Variants in SLC38A9 observed in about 807,000 individuals in gnomAD.
SLC38A9 encodes the protein solute carrier family 38 member 9, also known as neutral amino acid transporter 9.
A neutral mutation model predicts 62.3 loss-of-function variants in SLC38A9; 48 were observed. That is an observed-to-expected ratio of 0.77 (90% CI 0.61 to 0.98). The LOEUF (loss-of-function observed/expected upper bound fraction) is 0.98, where lower values mean the gene tolerates loss of function less well. SLC38A9 is among the 50% of genes least tolerant of loss of function. The pLI is 0.00. For missense variants in SLC38A9, 541 were observed against 679.8 expected, an observed-to-expected ratio of 0.80 and a Z score of 2.27; for synonymous variants, 204 against 227.7, an observed-to-expected ratio of 0.90 and a Z score of 0.94.
At chr5:55,660,318 T>C (rs1417095108) in intron 8 of SLC38A9, among the ~76,000 whole-genome samples, 1 of 151,886 alleles carries the variant, frequency 6.6e-6, no homozygotes, top group Admixed American at 6.6e-5. Flanking sequence ...GAGGCTGAGG[T>C]GAGAGGATCA....
intron 2 of SLC38A9, chr5:55,704,552 G>A (rs1301441230): frequency 9.2e-6 from 1 of 108,468 alleles, no homozygotes. Flanking sequence ...TGAACTTAAC[G>A]AAGGTTAATA....
intron 3 of SLC38A9, among the ~76,000 whole-genome samples, chr5:55,694,559 C>A (rs573890246): frequency 1.3e-5 from 2 of 152,088 alleles, no homozygotes; most frequent in African/African-American, 4.8e-5. Context: ...TCAGAAGAAT[C>A]ATATTCTAAA....
At position 55,692,482 on chromosome 5, in the gene SLC38A9, C is replaced by T. The variant is rs1402568448; in HGVS notation, c.113+5364G>A. 1.9e-5 allele frequency: 5 copies of T among 265,618 alleles called. No homozygotes were observed. The Admixed American group carries it at 1.9e-4, about 10-fold the overall frequency. 16.5% of individuals were successfully genotyped at this position (265,618 alleles called of 1,614,324 possible). On this transcript the variant is annotated intron_variant, in intron 3 of 15. Coordinates refer to ENST00000396865, the MANE Select transcript of SLC38A9 (RefSeq NM_173514.4). ...AAATAACAATGTTTGAAGGTACTTA[C>T]ATTTTTTCTCATTAAATAGTTTGTT...
intron 12 of SLC38A9, among the ~76,000 whole-genome samples, chr5:55,638,071 G>A (rs1278975886): frequency 2.6e-5 from 4 of 152,110 alleles, no homozygotes; most frequent in Non-Finnish European, 5.9e-5. Flanking sequence ...ACTAAAATCA[G>A]AAAAGTTTTA....
intron 10 of SLC38A9, among the ~76,000 whole-genome samples, chr5:55,651,874 G>C (rs568030931): frequency 1.3e-5 from 2 of 151,456 alleles, no homozygotes; most frequent in African/African-American, 4.9e-5. Flanking sequence ...TGAAATTTTC[G>C]TGTATTTCGT....
At chr5:55,658,958 T>C (rs7715754) in intron 8 of SLC38A9, among the ~76,000 whole-genome samples, 91,010 of 152,016 alleles carry the variant, frequency 0.6, 27,846 homozygotes, top group South Asian at 0.7. Flanking sequence ...TTACAAAAAG[T>C]ATTCATTTAA....
intron 2 of SLC38A9, among the ~76,000 whole-genome samples, chr5:55,706,946 CT>C (rs574012429): frequency 0.044 from 6,294 of 144,090 alleles, 169 homozygotes; most frequent in African/African-American, 0.084. Context: ...GATATGCTTT[CT>C]TTTTTTTTTT....
At chr5:55,665,607 A>G (rs903285549) in intron 7 of SLC38A9, among the ~76,000 whole-genome samples, 36 of 152,176 alleles carry the variant, frequency 2.4e-4, no homozygotes, top group African/African-American at 8.7e-4. Flanking sequence ...GTTAGAAAAC[A>G]TAATGTAGAA....
At chr5:55,671,445 G>C (rs1342284045) in intron 4 of SLC38A9, among the ~76,000 whole-genome samples, 1 of 150,870 alleles carries the variant, frequency 6.6e-6, no homozygotes, top group Admixed American at 6.6e-5. Context: ...ATCAATAAAA[G>C]AATAATGCTA....
chr5:55,707,796 T>A (rs535173880), intron 2 of SLC38A9, among the ~76,000 whole-genome samples: 2 of 152,204 alleles, frequency 1.3e-5, no homozygotes, highest in Non-Finnish European at 2.9e-5. Context: ...TGTTATAGTA[T>A]TAACAGGTAG....
chr5:55,703,666 G>C (rs148990988), intron 2 of SLC38A9, among the ~76,000 whole-genome samples: 189 of 152,036 alleles, frequency 1.2e-3, no homozygotes, highest in African/African-American at 4.4e-3. Context: ...TTAACAATTC[G>C]GTTGACTTGT....
chr5:55,675,193 CA>C (rs1751911599), intron 3 of SLC38A9: 2 of 152,192 alleles, frequency 1.3e-5, no homozygotes, highest in African/African-American at 4.8e-5. Flanking sequence ...GAAAAGCAGT[CA>C]GGAAGTGCTA....
chr5:55,681,204 A>T (rs1752953709), intron 3 of SLC38A9, among the ~76,000 whole-genome samples: 1 of 152,212 alleles, frequency 6.6e-6, no homozygotes, highest in African/African-American at 2.4e-5. Flanking sequence ...TGTTAGAAAG[A>T]AATCAAAATA....
Position 55,633,863 on chromosome 5 carries a change from A to C in SLC38A9, c.1321T>G (p.Phe441Val). ...AACAGCAGGAATATCCTTGCAATGAAGGACAGGGTGTCACTGCTAGGGAAG... is the reference window on the plus strand; with the variant it reads ...AACAGCAGGAATATCCTTGCAATGACGGACAGGGTGTCACTGCTAGGGAAG... ...DNFPSSDTLS[F>V]IARIFLLFQM... Residue 441 changes from phenylalanine (F) to valine (V), a missense_variant, in exon 14 of 16, where the codon TTC (phenylalanine) becomes GTC (valine). Phe to Val is a conservative substitution (Grantham distance 50). Coordinates refer to ENST00000396865, the MANE Select transcript of SLC38A9 (RefSeq NM_173514.4). The C allele has an allele frequency of 6.2e-7, 1 of 1,613,630 alleles. No individual in the cohort carries two copies. Among genetic ancestry groups the C allele is most frequent in the Non-Finnish European group, 8.5e-7 (1 of 1,179,828 alleles).
chr5:55,662,574 G>C (rs1749769014), intron 8 of SLC38A9, among the ~76,000 whole-genome samples: 1 of 151,744 alleles, frequency 6.6e-6, no homozygotes, highest in African/African-American at 2.4e-5. Flanking sequence ...GGAGGCTGAG[G>C]CAGGAGAATC....
At position 55,669,492 on chromosome 5, in the gene SLC38A9, T is replaced by C. The variant is rs895781314; in HGVS notation, c.432+65A>G. On this transcript the variant is annotated intron_variant, in intron 6 of 15. Coordinates refer to ENST00000396865, the MANE Select transcript of SLC38A9 (RefSeq NM_173514.4). ...TATGTAGATTTATTAAAACCTCTGT[T>C]ATAAAACTTACAATATAAAGAGAAA... 19 of 1,448,726 alleles carry C rather than the reference T, an allele frequency of 1.3e-5. No homozygotes were observed. In the African/African-American group the frequency reaches 1.9e-4, roughly 14 times the overall value. 89.7% of individuals were successfully genotyped at this position (1,448,726 alleles called of 1,614,324 possible). A position where few individuals can be genotyped will look rare whatever the true frequency, so the allele number is the denominator to read the frequency against.
rs1371252740 is a variant in SLC38A9, at chr5:55,651,246, A to ATT, written c.952+1282_952+1283insAA. On this transcript the variant is annotated intron_variant, in intron 10 of 15. Coordinates refer to ENST00000396865, the MANE Select transcript of SLC38A9 (RefSeq NM_173514.4). ...TTTCACTGGGGGGGTTCCTTTTGCC[A>ATT]TCTTTTTTTTTTTTTTTTTTTTAAG... 4.4e-5 allele frequency among the ~76,000 whole-genome samples: 5 copies of ATT among 114,096 alleles called. 1 individual carries two copies. Among genetic ancestry groups the ATT allele is most frequent in the Admixed American group, 9.8e-5 (1 of 10,194 alleles). 74.9% of individuals were successfully genotyped at this position (114,096 alleles called of 152,430 possible). A position where few individuals can be genotyped will look rare whatever the true frequency, so the allele number is the denominator to read the frequency against.
At chr5:55,695,873 T>TG (rs1167887192) in intron 3 of SLC38A9, 1 of 59,980 alleles carries the variant, frequency 1.7e-5, no homozygotes, top group African/African-American at 5.2e-5. Flanking sequence ...ACCTCCCGGA[T>TG]GGGGCGGCTG....
intron 3 of SLC38A9, among the ~76,000 whole-genome samples, chr5:55,682,862 G>A (rs1753226319): frequency 6.6e-6 from 1 of 152,140 alleles, no homozygotes; most frequent in Non-Finnish European, 1.5e-5. Flanking sequence ...GGAGGGTGGA[G>A]CTGTGTTTCA....
Sources: allele counts gnomAD v4.1 joint callset (sites outside exome capture counted in the v4.1 genomes callset), GRCh38; gene constraint gnomAD v4.1.1; transcripts MANE v1.5; gene names NCBI Gene and HGNC (gene_info 2026-07-23, HGNC 2026-07-21).